The following GALNT13 variants were observed in gnomAD, a reference collection of about 807,000 sequenced individuals.
GALNT13 encodes UDP-GalNAc:polypeptide N-acetylgalactosaminyltransferase 13.
A neutral mutation model predicts 64.2 loss-of-function variants in GALNT13; 28 were observed. The ratio of observed to expected loss-of-function variants is 0.44; its 90% CI spans 0.32 to 0.60. The LOEUF (loss-of-function observed/expected upper bound fraction) is 0.60. Among genes scored for constraint, GALNT13 ranks in the 20% least tolerant of loss-of-function variants. The pLI is 0.05. For missense variants in GALNT13, 577 were observed against 669.8 expected, an observed-to-expected ratio of 0.86 and a Z score of 1.53; for synonymous variants, 214 against 224.6, an observed-to-expected ratio of 0.95 and a Z score of 0.42.
intron 2 of GALNT13, among the ~76,000 whole-genome samples, chr2:153,938,328 C>T (rs1691095420): frequency 6.6e-6 from 1 of 152,036 alleles, no homozygotes; most frequent in Non-Finnish European, 1.5e-5. Flanking sequence ...AATGTAGATG[C>T]ATAGTGATCA....
intron 2 of GALNT13, among the ~76,000 whole-genome samples, chr2:153,931,598 C>G (rs1269232026): frequency 6.6e-6 from 1 of 152,020 alleles, no homozygotes; most frequent in Non-Finnish European, 1.5e-5. Context: ...CTGTGTCTAT[C>G]AAGATGATCA....
chr2:153,623,635 T>C, the GALNT13 span, among the ~76,000 whole-genome samples: 2 of 152,010 alleles, frequency 1.3e-5, no homozygotes, highest in African/African-American at 4.8e-5. Flanking sequence ...GAACGAAATA[T>C]AATTATTATG....
At position 154,450,391 on chromosome 2, in the gene GALNT13, T is replaced by C. The variant is rs1265963198; in HGVS notation, c.1531-20T>C. 3 of 1,600,040 alleles carry C rather than the reference T, an allele frequency of 1.9e-6. No individual in the cohort carries two copies. The highest frequency in any genetic ancestry group is 3.5e-5 in the Admixed American group (2 of 57,302). On this transcript the variant is annotated intron_variant, in intron 12 of 12. Coordinates refer to ENST00000392825, the MANE Select transcript of GALNT13 (RefSeq NM_052917.4). ...CTAAAGACGAAATAAGCTGCACTGATTATTGGTTATCTTTTACAGAGACTC... is the reference window on the plus strand; with the variant it reads ...CTAAAGACGAAATAAGCTGCACTGACTATTGGTTATCTTTTACAGAGACTC...
At chr2:153,720,000 T>C in the GALNT13 span, among the ~76,000 whole-genome samples, 8 of 151,546 alleles carry the variant, frequency 5.3e-5, no homozygotes, top group Non-Finnish European at 1.2e-4. Context: ...GCTCCACCTC[T>C]GGGGGCAGGG....
intron 9 of GALNT13, among the ~76,000 whole-genome samples, chr2:154,345,931 G>A (rs572518865): frequency 2.0e-5 from 3 of 151,968 alleles, no homozygotes; most frequent in Admixed American, 6.6e-5. Context: ...TCTTTCTACT[G>A]CATCCAAATT....
At chr2:153,555,895 T>G in the GALNT13 span, among the ~76,000 whole-genome samples, 1 of 152,210 alleles carries the variant, frequency 6.6e-6, no homozygotes, top group African/African-American at 2.4e-5. Context: ...TATTTCAGCT[T>G]TCATTAATTT....
At chr2:153,940,314 A>G (rs1004511404) in intron 2 of GALNT13, among the ~76,000 whole-genome samples, 2 of 148,364 alleles carry the variant, frequency 1.3e-5, no homozygotes, top group Non-Finnish European at 3.0e-5. Flanking sequence ...CTGGGGTGCA[A>G]TGGTACAATC....
intron 2 of GALNT13, among the ~76,000 whole-genome samples, chr2:153,913,556 C>G (rs1399977615): frequency 2.6e-5 from 4 of 152,164 alleles, no homozygotes; most frequent in Non-Finnish European, 4.4e-5. Context: ...TCTGCATTGG[C>G]TGGAGTTCTG....
At chr2:154,267,572 G>A (rs1032541841) in intron 8 of GALNT13, among the ~76,000 whole-genome samples, 2 of 152,014 alleles carry the variant, frequency 1.3e-5, no homozygotes, top group Non-Finnish European at 2.9e-5. Context: ...CCTGGGAGGC[G>A]GAGCTTGCAG....
chr2:153,440,764 T>C, the GALNT13 span, among the ~76,000 whole-genome samples: 1 of 152,240 alleles, frequency 6.6e-6, no homozygotes, highest in African/African-American at 2.4e-5. Flanking sequence ...GACAAGTGTC[T>C]GTTCATATCC....
chr2:153,162,857 G>T, the GALNT13 span, among the ~76,000 whole-genome samples: 2 of 152,158 alleles, frequency 1.3e-5, no homozygotes, highest in African/African-American at 4.8e-5. Context: ...AATGTCATGT[G>T]TCTTTAGTGA....
the GALNT13 span, among the ~76,000 whole-genome samples, chr2:153,204,242 C>T: frequency 6.6e-6 from 1 of 152,166 alleles, no homozygotes; most frequent in African/African-American, 2.4e-5. Context: ...TGTCCCTTCA[C>T]CCTGGACTAT....
chr2:153,884,770 T>TATAC (rs1268660986), intron 1 of GALNT13, among the ~76,000 whole-genome samples: 4 of 100,434 alleles, frequency 4.0e-5, no homozygotes, highest in East Asian at 2.7e-4. Context: ...AATACGAATA[T>TATAC]ATATATATAT....
At chr2:153,572,449 C>A in the GALNT13 span, among the ~76,000 whole-genome samples, 1 of 150,528 alleles carries the variant, frequency 6.6e-6, no homozygotes. Flanking sequence ...TTTATTTCTG[C>A]CCTGGTCTTT....
intron 3 of GALNT13, among the ~76,000 whole-genome samples, chr2:154,033,434 T>G (rs1277462438): frequency 6.6e-6 from 1 of 152,026 alleles, no homozygotes; most frequent in Non-Finnish European, 1.5e-5. Context: ...GGATTTATAT[T>G]CAGAATATAT....
At chr2:154,441,185 G>A (rs556340041) in intron 12 of GALNT13, among the ~76,000 whole-genome samples, 1 of 152,208 alleles carries the variant, frequency 6.6e-6, no homozygotes, top group Non-Finnish European at 1.5e-5. Flanking sequence ...ACTGGTTAAA[G>A]AATGTTACAA....
chr2:153,561,815 T>C, the GALNT13 span, among the ~76,000 whole-genome samples: 2 of 152,128 alleles, frequency 1.3e-5, no homozygotes, highest in African/African-American at 4.8e-5. Context: ...GACTTTTGAA[T>C]TGGAGTAATA....
intron 3 of GALNT13, among the ~76,000 whole-genome samples, chr2:154,059,413 A>T (rs141748112): frequency 2.8e-4 from 43 of 152,336 alleles, no homozygotes; most frequent in African/African-American, 1.0e-3. Flanking sequence ...AAGTGATAAT[A>T]ATTTACAATA....
the GALNT13 span, among the ~76,000 whole-genome samples, chr2:153,256,688 C>T: frequency 6.6e-6 from 1 of 151,940 alleles, no homozygotes; most frequent in Non-Finnish European, 1.5e-5. Context: ...AACAGACATG[C>T]AGGTCTGTTG....
Sources: gnomAD v4.1 joint callset for allele counts (sites outside exome capture counted in the v4.1 genomes callset) on GRCh38, gnomAD v4.1.1 for gene constraint, MANE v1.5 for transcripts, NCBI Gene and HGNC (gene_info 2026-07-23, HGNC 2026-07-21) for gene names.